PTPRT: variants seen among roughly 807,000 people sequenced by gnomAD.
The protein encoded by PTPRT is protein tyrosine phosphatase receptor type T.
A neutral mutation model predicts 176.8 loss-of-function variants in PTPRT; 56 were observed. The ratio of observed to expected loss-of-function variants is 0.32; its 90% CI spans 0.26 to 0.40. The LOEUF is 0.40. PTPRT is among the 10% of genes least tolerant of loss of function. The pLI, the probability that PTPRT is intolerant of heterozygous loss-of-function variation, is 1.00. For synonymous variants in PTPRT, 783 were observed against 739.0 expected (o/e 1.06, Z -0.96); for missense variants, 1,540 against 1,908.2 (o/e 0.81, Z 3.60).
chr20:42,301,715 T>C (rs1006549974), intron 12 of PTPRT, among the ~76,000 whole-genome samples: 1 of 152,154 alleles, frequency 6.6e-6, no homozygotes, highest in South Asian at 2.1e-4. Context: ...TCTATTGTGG[T>C]AAACTGTTAG....
downstream of PTPRT, among the ~76,000 whole-genome samples, chr20:42,070,341 T>A (rs577854698): frequency 1.8e-4 from 27 of 151,408 alleles, no homozygotes; most frequent in South Asian, 1.3e-3. Context: ...TGACATGCGC[T>A]CACACTCCAG....
chr20:42,892,186 T>C (rs1459436328), intron 1 of PTPRT, among the ~76,000 whole-genome samples: 2 of 152,236 alleles, frequency 1.3e-5, no homozygotes, highest in Non-Finnish European at 2.9e-5. Context: ...GCAGTACTAA[T>C]AGCAACACCT....
intron 9 of PTPRT, among the ~76,000 whole-genome samples, chr20:42,405,069 T>G (rs1469429365): frequency 6.8e-6 from 1 of 147,806 alleles, no homozygotes; most frequent in Non-Finnish European, 1.5e-5. Flanking sequence ...TGTACAGTCT[T>G]TATGTCCTTA....
At chr20:42,471,070 T>G (rs1211315948) in intron 8 of PTPRT, among the ~76,000 whole-genome samples, 5 of 152,168 alleles carry the variant, frequency 3.3e-5, no homozygotes, top group African/African-American at 1.2e-4. Flanking sequence ...TCAGATACCT[T>G]GAGCTTGAGA....
At position 43,151,181 on chromosome 20, in the gene PTPRT, C is replaced by T. The variant is rs540255107; in HGVS notation, c.88+38465G>A. 1.2e-4 allele frequency among the ~76,000 whole-genome samples: 19 copies of T among 152,112 alleles called. No individual in the cohort carries two copies. The East Asian group carries it at 3.7e-3, about 30-fold the overall frequency. ...ATTAGCCAGGCATGGTGGCTTGTGC[C>T]TGTAATCCCAGCTACTAGGGAGGCT... On this transcript the variant is annotated intron_variant, in intron 1 of 30. Coordinates refer to ENST00000373187, the MANE Select transcript of PTPRT (RefSeq NM_007050.6).
intron 1 of PTPRT, among the ~76,000 whole-genome samples, chr20:43,178,761 T>C (rs1049436155): frequency 6.6e-6 from 1 of 152,052 alleles, no homozygotes; most frequent in African/African-American, 2.4e-5. Context: ...CACCCAACCT[T>C]GCACTGCCAG....
chr20:43,146,903 C>T (rs1296142119), intron 1 of PTPRT, among the ~76,000 whole-genome samples: 2 of 152,084 alleles, frequency 1.3e-5, no homozygotes, highest in Non-Finnish European at 2.9e-5. Flanking sequence ...ACAGGTCATC[C>T]TAAGTCCCCT....
chr20:42,502,131 G>T (rs1601141018), intron 7 of PTPRT, among the ~76,000 whole-genome samples: 2 of 151,684 alleles, frequency 1.3e-5, no homozygotes, highest in South Asian at 4.2e-4. Context: ...CATTTTTCAA[G>T]GATATACCTT....
At chr20:42,513,180 T>C (rs1348735411) in intron 7 of PTPRT, among the ~76,000 whole-genome samples, 2 of 149,790 alleles carry the variant, frequency 1.3e-5, no homozygotes, top group East Asian at 3.9e-4. Flanking sequence ...ATTGTGTTTT[T>C]CATATGTTCT....
intron 11 of PTPRT, among the ~76,000 whole-genome samples, chr20:42,346,038 A>G (rs1384057021): frequency 6.6e-6 from 1 of 152,118 alleles, no homozygotes; most frequent in African/African-American, 2.4e-5. Flanking sequence ...GGGTGGATTG[A>G]AGGATGAGAA....
At chr20:42,528,435 C>A (rs1444449476) in intron 7 of PTPRT, among the ~76,000 whole-genome samples, 1 of 150,546 alleles carries the variant, frequency 6.6e-6, no homozygotes, top group East Asian at 1.9e-4. Flanking sequence ...CATTCATTAT[C>A]CATTCATCTA....
At chr20:42,149,613 G>A (rs543734773) in intron 17 of PTPRT, among the ~76,000 whole-genome samples, 6 of 152,014 alleles carry the variant, frequency 3.9e-5, no homozygotes, top group South Asian at 2.1e-4. Context: ...TAATAGAGAC[G>A]GGGTTTCTCC....
intron 1 of PTPRT, among the ~76,000 whole-genome samples, chr20:42,900,328 A>T (rs75522619): frequency 0.037 from 5,621 of 152,278 alleles, 142 homozygotes; most frequent in Non-Finnish European, 0.055. Flanking sequence ...GTAATAAGTT[A>T]TAATCAGCTG....
intron 17 of PTPRT, among the ~76,000 whole-genome samples, chr20:42,157,078 A>G (rs940011758): frequency 1.3e-5 from 2 of 151,106 alleles, no homozygotes; most frequent in Admixed American, 6.6e-5. Flanking sequence ...TCCCTTGCTC[A>G]CTCTTCCTCT....
At chr20:42,375,492 G>A (rs1276853705) in intron 9 of PTPRT, among the ~76,000 whole-genome samples, 1 of 152,156 alleles carries the variant, frequency 6.6e-6, no homozygotes, top group Non-Finnish European at 1.5e-5. Context: ...TCTGCCATAT[G>A]AGGACATGGC....
chr20:43,144,436 C>T (rs2014107466), intron 1 of PTPRT, among the ~76,000 whole-genome samples: 1 of 152,170 alleles, frequency 6.6e-6, no homozygotes, highest in Non-Finnish European at 1.5e-5. Flanking sequence ...CTAATCCCTT[C>T]TATCCCCACT....
intron 3 of PTPRT, among the ~76,000 whole-genome samples, chr20:42,781,420 T>C (rs1228049161): frequency 1.3e-5 from 2 of 152,116 alleles, no homozygotes; most frequent in African/African-American, 4.8e-5. Context: ...ACCCACTGAC[T>C]TGATATCCAT....
chr20:42,358,757 G>A (rs1450606570), intron 9 of PTPRT, among the ~76,000 whole-genome samples: 1 of 152,202 alleles, frequency 6.6e-6, no homozygotes, highest in Non-Finnish European at 1.5e-5. Context: ...CTGCCTTTGT[G>A]AGAAGAAGAA....
At chr20:42,316,152 A>G (rs1158127414) in intron 11 of PTPRT, among the ~76,000 whole-genome samples, 156 bp from the exon 12 acceptor site, 1 of 152,154 alleles carries the variant, frequency 6.6e-6, no homozygotes. Flanking sequence ...CAAACCTACC[A>G]CGTTGTAGAA....
Sources: allele counts gnomAD v4.1 joint callset (sites outside exome capture counted in the v4.1 genomes callset), GRCh38; gene constraint gnomAD v4.1.1; transcripts MANE v1.5; gene names NCBI Gene and HGNC (gene_info 2026-07-23, HGNC 2026-07-21).